Variants in SGCD observed in about 807,000 individuals in gnomAD.
The protein encoded by SGCD is sarcoglycan delta.
A neutral mutation model predicts 36.6 loss-of-function variants in SGCD; 18 were observed. The observed-to-expected ratio is 0.49, with a 90% CI of 0.34 to 0.73. The LOEUF (loss-of-function observed/expected upper bound fraction) is 0.73. SGCD is among the 30% of genes least tolerant of loss of function. The pLI, the probability that SGCD is intolerant of heterozygous loss-of-function variation, is 0.01. For synonymous variants in SGCD, 133 were observed against 130.6 expected (o/e 1.02, Z -0.12); for missense variants, 387 against 346.7 (o/e 1.12, Z -0.92).
At chr5:156,591,023 A>T (rs116790158) in intron 5 of SGCD, among the ~76,000 whole-genome samples, 171 of 150,608 alleles carry the variant, frequency 1.1e-3, no homozygotes, top group Non-Finnish European at 2.1e-3. Flanking sequence ...AAGACATTAG[A>T]TATGTTTAAA....
intron 1 of SGCD, among the ~76,000 whole-genome samples, chr5:156,038,589 GT>G (rs1759556513): frequency 7.0e-6 from 1 of 143,124 alleles, no homozygotes; most frequent in Non-Finnish European, 1.5e-5. Flanking sequence ...AAAATAAAAA[GT>G]AAAAAAAAAA....
chr5:156,298,864 A>G (rs1291646141), intron 3 of SGCD, among the ~76,000 whole-genome samples: 1 of 151,982 alleles, frequency 6.6e-6, no homozygotes, highest in Non-Finnish European at 1.5e-5. Context: ...TCAGATTAAT[A>G]TTTTCAAATA....
chr5:156,181,730 A>C (rs546773998), intron 3 of SGCD, among the ~76,000 whole-genome samples: 2 of 152,162 alleles, frequency 1.3e-5, no homozygotes, highest in East Asian at 3.9e-4. Flanking sequence ...TTCATTTGGC[A>C]TGCAATGCTT....
intron 3 of SGCD, among the ~76,000 whole-genome samples, chr5:156,189,194 C>A (rs1349419542): frequency 6.6e-6 from 1 of 152,178 alleles, no homozygotes; most frequent in African/African-American, 2.4e-5. Flanking sequence ...CTTCTGGCAC[C>A]TGCCATTAAT....
chr5:155,833,917 G>A, the SGCD span, among the ~76,000 whole-genome samples: 1 of 152,182 alleles, frequency 6.6e-6, no homozygotes, highest in Non-Finnish European at 1.5e-5. Flanking sequence ...TACAGTGAAA[G>A]GCCTAGATAA....
chr5:156,750,890 C>T (rs187539632), intron 7 of SGCD, among the ~76,000 whole-genome samples: 1 of 151,996 alleles, frequency 6.6e-6, no homozygotes, highest in African/African-American at 2.4e-5. Context: ...TCAATAGCTA[C>T]AAAAGATAGG....
At chr5:156,016,085 T>TGA (rs1199951628) in intron 1 of SGCD, among the ~76,000 whole-genome samples, 4 of 152,226 alleles carry the variant, frequency 2.6e-5, no homozygotes, top group Admixed American at 6.5e-5. Context: ...TCTTTCACAG[T>TGA]GAGAACCCTG....
chr5:155,822,973 A>G, the SGCD span, among the ~76,000 whole-genome samples: 1 of 151,900 alleles, frequency 6.6e-6, no homozygotes, highest in Non-Finnish European at 1.5e-5. Flanking sequence ...CAAAGAACCA[A>G]TACAGGATAT....
intron 3 of SGCD, among the ~76,000 whole-genome samples, chr5:156,182,430 A>C (rs965164802): frequency 6.6e-6 from 1 of 152,118 alleles, no homozygotes; most frequent in African/African-American, 2.4e-5. Context: ...ATCTCTACAA[A>C]AAATCCAAAA....
At chr5:156,187,316 A>G (rs1225968808) in intron 3 of SGCD, among the ~76,000 whole-genome samples, 1 of 152,094 alleles carries the variant, frequency 6.6e-6, no homozygotes, top group African/African-American at 2.4e-5. Context: ...TATGATTTTA[A>G]TAGCAGGTTT....
chr5:156,032,791 G>A (rs111632521), intron 1 of SGCD, among the ~76,000 whole-genome samples: 8,782 of 149,290 alleles, frequency 0.059, 850 homozygotes, highest in African/African-American at 0.2. Flanking sequence ...AATTTGGGGC[G>A]TGGCACAGTG....
At chr5:156,195,506 A>C (rs1471216156) in intron 3 of SGCD, among the ~76,000 whole-genome samples, 2 of 152,214 alleles carry the variant, frequency 1.3e-5, no homozygotes, top group Non-Finnish European at 2.9e-5. Flanking sequence ...TGAATGGAGA[A>C]TTGGAAAATG....
chr5:156,545,229 A>C (rs1160140633), intron 4 of SGCD, among the ~76,000 whole-genome samples: 1 of 152,336 alleles, frequency 6.6e-6, no homozygotes, highest in East Asian at 1.9e-4. Context: ...CCCCACAACC[A>C]AACTTGTCAA....
At chr5:156,615,200 A>G (rs1761975267) in intron 6 of SGCD, among the ~76,000 whole-genome samples, 1 of 152,240 alleles carries the variant, frequency 6.6e-6, no homozygotes, top group Non-Finnish European at 1.5e-5. Flanking sequence ...TGACAACACC[A>G]GGGAAAACAT....
At chr5:156,009,560 A>T (rs886227258) in intron 1 of SGCD, among the ~76,000 whole-genome samples, 2 of 152,170 alleles carry the variant, frequency 1.3e-5, no homozygotes, top group Non-Finnish European at 2.9e-5. Flanking sequence ...CTGCTGCCAG[A>T]TGTCCTGGAT....
intron 3 of SGCD, among the ~76,000 whole-genome samples, chr5:156,255,786 T>C (rs767903571): frequency 5.3e-5 from 8 of 152,156 alleles, no homozygotes; most frequent in African/African-American, 1.9e-4. Context: ...ATTTTGTTGG[T>C]TTTTCAGACA....
At chr5:156,467,171 G>A (rs975259876) in intron 3 of SGCD, among the ~76,000 whole-genome samples, 2 of 152,082 alleles carry the variant, frequency 1.3e-5, no homozygotes, top group Non-Finnish European at 2.9e-5. Flanking sequence ...GTAGCAGGCT[G>A]GATTTGATTC....
At chr5:156,597,841 G>A (rs1760993523) in intron 6 of SGCD, among the ~76,000 whole-genome samples, 1 of 152,202 alleles carries the variant, frequency 6.6e-6, no homozygotes, top group African/African-American at 2.4e-5. Context: ...GAAACACCTT[G>A]TGGGGTAGAC....
chr5:156,728,854 T>C (rs1480624079), intron 7 of SGCD, among the ~76,000 whole-genome samples: 1 of 152,100 alleles, frequency 6.6e-6, no homozygotes, highest in Non-Finnish European at 1.5e-5. Context: ...TAACTGATGA[T>C]TGATGTTGTC....
Sources: gnomAD v4.1 joint callset for allele counts (sites outside exome capture counted in the v4.1 genomes callset) on GRCh38, gnomAD v4.1.1 for gene constraint, MANE v1.5 for transcripts, NCBI Gene and HGNC (gene_info 2026-07-23, HGNC 2026-07-21) for gene names.